Variants in TPST1 observed in about 807,000 individuals in gnomAD.
TPST1 encodes the protein tyrosylprotein sulfotransferase 1.
Under a neutral mutation model 34.8 loss-of-function variants are expected in TPST1, and 20 were observed. That is an observed-to-expected ratio of 0.57 (90% CI 0.40 to 0.84). The LOEUF is 0.84. Ranked by LOEUF, TPST1 falls within the 40% of genes least tolerant of loss-of-function variation. TPST1 has a pLI of 0.00. For missense variants in TPST1, 353 were observed against 455.5 expected, an observed-to-expected ratio of 0.78 and a Z score of 2.05; for synonymous variants, 152 against 159.4, an observed-to-expected ratio of 0.95 and a Z score of 0.35.
intron 4 of TPST1, among the ~76,000 whole-genome samples, chr7:66,355,482 AAAACAAAAAACAAAC>A (rs1792564003): frequency 1.3e-5 from 2 of 151,986 alleles, no homozygotes; most frequent in Non-Finnish European, 2.9e-5. Context: ...CTCAAAAAAA[AAAACAAAAAACAAAC>A]AAACAAAAAA....
chr7:66,255,007 C>T (rs1315982937), intron 2 of TPST1, among the ~76,000 whole-genome samples: 4 of 151,696 alleles, frequency 2.6e-5, no homozygotes, highest in Non-Finnish European at 4.4e-5. Context: ...ATTAGCCGGG[C>T]GTGGTGGCGG....
chr7:66,267,963 C>CT (rs1272545288), intron 2 of TPST1, among the ~76,000 whole-genome samples: 243 of 149,364 alleles, frequency 1.6e-3, no homozygotes, highest in African/African-American at 5.5e-3. Flanking sequence ...TCCTTTCGTC[C>CT]TTTTTTTTTG....
intron 3 of TPST1, among the ~76,000 whole-genome samples, chr7:66,316,498 C>T (rs1039339396): frequency 6.6e-6 from 1 of 152,170 alleles, no homozygotes; most frequent in African/African-American, 2.4e-5. Flanking sequence ...TATCATTGGT[C>T]TGTAAATAAC....
intron 2 of TPST1, among the ~76,000 whole-genome samples, chr7:66,282,702 G>A (rs1156457522): frequency 6.6e-6 from 1 of 152,234 alleles, no homozygotes; most frequent in Non-Finnish European, 1.5e-5. Context: ...CCAGAGAGCT[G>A]ATGCGGGACT....
intron 2 of TPST1, among the ~76,000 whole-genome samples, chr7:66,256,639 T>G (rs1790388905): frequency 6.6e-6 from 1 of 152,232 alleles, no homozygotes. Context: ...TCCAGCCTTA[T>G]CTCAGAAGTG....
intron 3 of TPST1, among the ~76,000 whole-genome samples, chr7:66,351,059 T>G (rs1261759433): frequency 6.6e-6 from 1 of 152,226 alleles, no homozygotes; most frequent in Non-Finnish European, 1.5e-5. Flanking sequence ...ACCAGCACCC[T>G]GGAAGCCTCT....
At chr7:66,341,383 A>G (rs922658553) in intron 3 of TPST1, among the ~76,000 whole-genome samples, 8 of 152,104 alleles carry the variant, frequency 5.3e-5, no homozygotes, top group African/African-American at 1.9e-4. Context: ...GGTTCAAGCA[A>G]TTCTCTGCCT....
chr7:66,296,012 G>GT (rs1791184500), intron 3 of TPST1, among the ~76,000 whole-genome samples: 1 of 152,130 alleles, frequency 6.6e-6, no homozygotes, highest in East Asian at 1.9e-4. Context: ...TAGTGAAAGG[G>GT]TTTTTTATTA....
Position 66,241,014 on chromosome 7 carries a change from A to G in TPST1, c.589A>G (p.Lys197Glu). The G allele has an allele frequency of 1.9e-6, 3 of 1,614,236 alleles. No homozygotes were observed. Among genetic ancestry groups the G allele is most frequent in the Non-Finnish European group, 2.5e-6 (3 of 1,180,044 alleles). The change falls in exon 2 of 6, where the codon AAA (lysine) becomes GAA (glutamate). Residue 197 changes from lysine (K) to glutamate (E), a missense_variant. Lys to Glu is a moderately conservative substitution (Grantham distance 56). Transcript: ENST00000304842. The stretch of plus-strand genomic sequence containing the variant: ...ATCAGTACATTCAATGATTTCTCGA[A>G]AAGTTACTATAGCTGGATTTGATCT... Reference protein sequence around the residue: ...RASVHSMISRKVTIAGFDLNS... With the variant: ...RASVHSMISREVTIAGFDLNS...
At chr7:66,327,989 TCTTTC>T (rs1791903242) in intron 3 of TPST1, among the ~76,000 whole-genome samples, 1 of 149,918 alleles carries the variant, frequency 6.7e-6, no homozygotes. Context: ...TGTTTTTTTT[TCTTTC>T]TTTTTTTTTT....
chr7:66,254,887 C>T (rs986495827), intron 2 of TPST1, among the ~76,000 whole-genome samples: 1 of 152,076 alleles, frequency 6.6e-6, no homozygotes, highest in African/African-American at 2.4e-5. Context: ...GTGGCTCACG[C>T]CTGTAATCCC....
intron 3 of TPST1, among the ~76,000 whole-genome samples, chr7:66,311,009 T>C (rs562946591): frequency 1.6e-4 from 25 of 152,150 alleles, no homozygotes; most frequent in African/African-American, 5.3e-4. Context: ...TAAATTTTAG[T>C]TAAAGAAATT....
At chr7:66,302,856 T>C (rs10807702) in intron 3 of TPST1, among the ~76,000 whole-genome samples, 136,512 of 152,284 alleles carry the variant, frequency 0.9, 61,360 homozygotes, top group African/African-American at 0.94. Context: ...CAGGTTGGAA[T>C]GCTTTAGAAT....
At chr7:66,247,829 G>A (rs1165215206) in intron 2 of TPST1, among the ~76,000 whole-genome samples, 3 of 152,052 alleles carry the variant, frequency 2.0e-5, no homozygotes, top group Admixed American at 2.0e-4. Flanking sequence ...GACTCCTTGT[G>A]GCTTCACTCC....
chr7:66,222,529 A>G (rs766190936), intron 1 of TPST1, among the ~76,000 whole-genome samples: 3 of 152,228 alleles, frequency 2.0e-5, no homozygotes, highest in Non-Finnish European at 4.4e-5. Flanking sequence ...ATACAGTGGT[A>G]TGTGTGCTTT....
chr7:66,310,151 C>T (rs1241501199), intron 3 of TPST1, among the ~76,000 whole-genome samples: 1 of 152,220 alleles, frequency 6.6e-6, no homozygotes, highest in Non-Finnish European at 1.5e-5. Flanking sequence ...AGGTGTTAGA[C>T]TCTCAGTTAA....
intron 2 of TPST1, among the ~76,000 whole-genome samples, chr7:66,270,347 A>G (rs1236271539): frequency 6.6e-6 from 1 of 152,206 alleles, no homozygotes; most frequent in Non-Finnish European, 1.5e-5. Flanking sequence ...ACACTCTTAT[A>G]ACTATTACCC....
chr7:66,260,945 C>T (rs554992143), intron 2 of TPST1, among the ~76,000 whole-genome samples: 15 of 152,318 alleles, frequency 9.8e-5, no homozygotes, highest in African/African-American at 3.1e-4. Context: ...CCTGTAAATT[C>T]GTTCTTTCCA....
At chr7:66,355,392 T>C (rs1222606037) in intron 4 of TPST1, among the ~76,000 whole-genome samples, 2 of 151,506 alleles carry the variant, frequency 1.3e-5, no homozygotes, top group African/African-American at 4.9e-5. Context: ...GGACAATCGC[T>C]TGAACTCAGG....
Sources: gnomAD v4.1 joint callset for allele counts (sites outside exome capture counted in the v4.1 genomes callset) on GRCh38, gnomAD v4.1.1 for gene constraint, MANE v1.5 for transcripts, NCBI Gene and HGNC (gene_info 2026-07-23, HGNC 2026-07-21) for gene names.